Variants in MYLK4 observed in about 807,000 individuals in gnomAD.
The protein encoded by MYLK4 is myosin light chain kinase family member 4.
MYLK4 carries 46 observed loss-of-function variants against 48.1 expected under a neutral mutation model. The observed-to-expected ratio is 0.96, with a 90% CI of 0.75 to 1.22. The LOEUF (loss-of-function observed/expected upper bound fraction) is 1.22. Ranked by LOEUF, MYLK4 falls within the 50% of genes most tolerant of loss-of-function variation. The pLI, the probability that MYLK4 is intolerant of heterozygous loss-of-function variation, is 0.00. For missense variants in MYLK4, 451 were observed against 486.1 expected, an observed-to-expected ratio of 0.93 and a Z score of 0.68; for synonymous variants, 170 against 180.8, an observed-to-expected ratio of 0.94 and a Z score of 0.48.
At chr6:2,760,747 C>T in the MYLK4 span, among the ~76,000 whole-genome samples, 1 of 152,260 alleles carries the variant, frequency 6.6e-6, no homozygotes, top group Admixed American at 6.5e-5. Context: ...CAATGCATTT[C>T]TTTCATACCA....
chr6:2,747,011 G>A (rs1337909564), intron 2 of MYLK4, among the ~76,000 whole-genome samples: 2 of 152,228 alleles, frequency 1.3e-5, no homozygotes, highest in East Asian at 3.8e-4. Context: ...GACGGAGAGA[G>A]ACAGGGAAAT....
At chr6:2,742,094 A>C (rs1301802811) in intron 2 of MYLK4, among the ~76,000 whole-genome samples, 1 of 152,236 alleles carries the variant, frequency 6.6e-6, no homozygotes, top group Non-Finnish European at 1.5e-5. Context: ...CTTAAAAAAA[A>C]AACTCTTCCT....
At chr6:2,767,044 T>C in the MYLK4 span, among the ~76,000 whole-genome samples, 1 of 152,230 alleles carries the variant, frequency 6.6e-6, no homozygotes, top group Non-Finnish European at 1.5e-5. Context: ...AACTTTTTCA[T>C]CTGCAAGTCA....
At chr6:2,762,921 A>G in the MYLK4 span, among the ~76,000 whole-genome samples, 4 of 152,314 alleles carry the variant, frequency 2.6e-5, no homozygotes, top group African/African-American at 7.2e-5. Flanking sequence ...CACAGTGAGT[A>G]TTACCACTCA....
the MYLK4 span, among the ~76,000 whole-genome samples, chr6:2,757,572 C>T: frequency 6.6e-6 from 1 of 150,668 alleles, no homozygotes; most frequent in Admixed American, 6.6e-5. Context: ...GAAATAGAAC[C>T]TATGTACAAG....
At chr6:2,757,738 G>T in the MYLK4 span, among the ~76,000 whole-genome samples, 1 of 152,186 alleles carries the variant, frequency 6.6e-6, no homozygotes, top group Non-Finnish European at 1.5e-5. Context: ...ATACATAGCA[G>T]ATGAATGATA....
intron 2 of MYLK4, among the ~76,000 whole-genome samples, chr6:2,715,512 G>A (rs1442615599): frequency 6.6e-6 from 1 of 152,132 alleles, no homozygotes; most frequent in Non-Finnish European, 1.5e-5. Context: ...AACAATGTTG[G>A]GCAGAGAAAA....
intron 6 of MYLK4, among the ~76,000 whole-genome samples, chr6:2,684,408 A>C (rs932373323): frequency 1.3e-5 from 2 of 152,198 alleles, no homozygotes; most frequent in African/African-American, 4.8e-5. Flanking sequence ...TGGGTAACTG[A>C]GACCATGGAA....
Position 2,678,319 on chromosome 6 carries a change from T to C in MYLK4, c.941A>G (p.Asn314Ser). The change falls in exon 10 of 13, where the codon AAC (asparagine) becomes AGC (serine). Residue 314 changes from asparagine to serine, a missense_variant. Asn to Ser is a conservative substitution (Grantham distance 46, BLOSUM62 1). Coordinates refer to ENST00000274643, the MANE Select transcript of MYLK4 (RefSeq NM_001012418.5). ...TAAGTCCCACCTGCAGGCCAGGATG[T>C]TGTTCAGCGTCTCAGCATCATTGTC... ...LGDNDAETLN[N>S]ILACRWDLED... is the part of the protein sequence containing the mutation. 1.2e-6 allele frequency: 2 copies of C among 1,613,908 alleles called. No homozygotes were observed. Among genetic ancestry groups the C allele is most frequent in the Non-Finnish European group, 1.7e-6 (2 of 1,179,962 alleles).
chr6:2,684,658 C>T (rs898086282), intron 6 of MYLK4, among the ~76,000 whole-genome samples: 1 of 151,950 alleles, frequency 6.6e-6, no homozygotes, highest in African/African-American at 2.4e-5. Flanking sequence ...TTAAAAAATA[C>T]AGTATAACAA....
At chr6:2,686,795 C>T (rs898709996) in intron 4 of MYLK4, among the ~76,000 whole-genome samples, 4 of 152,222 alleles carry the variant, frequency 2.6e-5, no homozygotes, top group Admixed American at 1.3e-4. Context: ...ACTTCAATTC[C>T]AACCTCTGCT....
At position 2,665,230 on chromosome 6, in the gene MYLK4, C is replaced by T. The variant is rs898275480; in HGVS notation, c.*2695G>A. 5.2e-5 allele frequency: 8 copies of T among 152,418 alleles called. No individual in the cohort carries two copies. Among genetic ancestry groups the T allele is most frequent in the African/African-American group, 1.9e-4 (8 of 41,460 alleles). The allele number at this position is 152,418 out of a possible 1,614,324, so 9.4% of individuals were successfully genotyped here. ...TGATTCCTCGGCTTTGCAAAGCCCC[C>T]TTTCCCCATTAGAGCAGCAGTCTAC... On this transcript the variant is annotated 3_prime_UTR_variant, in exon 13 of 13. Coordinates refer to ENST00000274643, the MANE Select transcript of MYLK4 (RefSeq NM_001012418.5).
At chr6:2,765,568 G>A in the MYLK4 span, 25 of 1,403,604 alleles carry the variant, frequency 1.8e-5, no homozygotes, top group Non-Finnish European at 2.3e-5. Flanking sequence ...GAAGGCCTCC[G>A]CGTGCGCACG....
At chr6:2,679,213 A>G (rs1761201981) in intron 9 of MYLK4, 67 bp downstream of exon 9, 2 of 1,588,326 alleles carry the variant, frequency 1.3e-6, no homozygotes, top group Non-Finnish European at 1.7e-6. Context: ...TTTTATTTAA[A>G]ACGGCAAAAC....
chr6:2,733,668 C>T (rs1195376026), intron 2 of MYLK4, among the ~76,000 whole-genome samples: 3 of 152,234 alleles, frequency 2.0e-5, no homozygotes, highest in African/African-American at 7.2e-5. Flanking sequence ...AGCAATGACA[C>T]AATATCACTC....
chr6:2,767,737 A>AG, the MYLK4 span, among the ~76,000 whole-genome samples: 1 of 152,242 alleles, frequency 6.6e-6, no homozygotes, highest in Non-Finnish European at 1.5e-5. Flanking sequence ...GAAGGTCCTT[A>AG]GGGAGACGAG....
chr6:2,677,608 G>T (rs1279259375), intron 10 of MYLK4, among the ~76,000 whole-genome samples: 1 of 152,102 alleles, frequency 6.6e-6, no homozygotes, highest in Non-Finnish European at 1.5e-5. Flanking sequence ...TTGAATTAAT[G>T]TGGTTTTAGC....
intron 2 of MYLK4, among the ~76,000 whole-genome samples, chr6:2,734,455 C>T (rs1763592887): frequency 6.6e-6 from 1 of 152,122 alleles, no homozygotes; most frequent in Non-Finnish European, 1.5e-5. Context: ...TCTAACTGGC[C>T]ACAGGACAAG....
chr6:2,729,242 T>C (rs1763391185), intron 2 of MYLK4, among the ~76,000 whole-genome samples: 1 of 152,202 alleles, frequency 6.6e-6, no homozygotes, highest in Non-Finnish European at 1.5e-5. Context: ...ATTCTATTGC[T>C]CAGCTATAGT....
Sources: gnomAD v4.1 joint callset for allele counts (sites outside exome capture counted in the v4.1 genomes callset) on GRCh38, gnomAD v4.1.1 for gene constraint, MANE v1.5 for transcripts, NCBI Gene and HGNC (gene_info 2026-07-23, HGNC 2026-07-21) for gene names.